The following HS2ST1 variants were observed in gnomAD, a reference collection of about 807,000 sequenced individuals.
The protein encoded by HS2ST1 is heparan sulfate 2-O-sulfotransferase 1, also known as 2-O-sulfotransferase.
HS2ST1 carries 18 observed loss-of-function variants against 42.9 expected under a neutral mutation model. The observed-to-expected ratio is 0.42, with a 90% CI of 0.29 to 0.62. The LOEUF is 0.62. Ranked by LOEUF, HS2ST1 falls within the 20% of genes least tolerant of loss-of-function variation. HS2ST1 has a pLI of 0.21. For missense variants in HS2ST1, 334 were observed against 433.8 expected (o/e 0.77, Z 2.04); for synonymous variants, 146 against 152.9 (o/e 0.95, Z 0.33).
At chr1:87,098,989 G>C (rs958153520) in intron 5 of HS2ST1, among the ~76,000 whole-genome samples, 8 of 152,126 alleles carry the variant, frequency 5.3e-5, no homozygotes, top group Non-Finnish European at 1.2e-4. Flanking sequence ...TGTTGGCCAG[G>C]CTGGTCTCGA....
chr1:87,075,940 G>A (rs1479606875), intron 2 of HS2ST1, among the ~76,000 whole-genome samples: 4 of 151,932 alleles, frequency 2.6e-5, no homozygotes, highest in African/African-American at 9.7e-5. Flanking sequence ...CATTCTTTGG[G>A]GAAATAACAA....
rs72722271 is a variant in HS2ST1 at position 86,936,683 on chromosome 1, C to G, written c.124+21523C>G. On this transcript the variant is annotated intron_variant, in intron 1 of 6. Transcript: ENST00000370550. ...AAACCTGAGTTTTAGGTTTCTTACT[C>G]ATTTTGCATTTAACCGTTCTTTTAT... Among the ~76,000 whole-genome samples, 430 of 152,236 alleles carry G rather than the reference C, an allele frequency of 2.8e-3. 2 individuals carry two copies. The highest frequency in any genetic ancestry group is 4.7e-3 in the Non-Finnish European group (317 of 68,018).
chr1:86,923,006 C>T (rs1413291307), intron 1 of HS2ST1, among the ~76,000 whole-genome samples: 1 of 151,822 alleles, frequency 6.6e-6, no homozygotes, highest in Non-Finnish European at 1.5e-5. Flanking sequence ...ATGTTCTATT[C>T]ATCATTCTCA....
At chr1:87,054,423 G>A (rs1472783313) in intron 1 of HS2ST1, among the ~76,000 whole-genome samples, 1 of 152,096 alleles carries the variant, frequency 6.6e-6, no homozygotes, top group Admixed American at 6.6e-5. Flanking sequence ...GCTTCCCCAA[G>A]AGGAAATGCC....
intron 1 of HS2ST1, among the ~76,000 whole-genome samples, chr1:86,923,076 C>T (rs1660334108): frequency 1.3e-5 from 2 of 152,108 alleles, no homozygotes; most frequent in Non-Finnish European, 2.9e-5. Context: ...CTTTAATTCA[C>T]CAATCCTTCT....
chr1:86,981,937 A>G (rs1370720420), intron 1 of HS2ST1, among the ~76,000 whole-genome samples: 1 of 152,234 alleles, frequency 6.6e-6, no homozygotes, highest in African/African-American at 2.4e-5. Flanking sequence ...GTTCTCCATG[A>G]GAGCTCTGCC....
In HS2ST1 at chr1:87,044,827, T is replaced by C. The variant is rs1650605231; in HGVS notation, c.125-28107T>C. ...GGGAGCAGAATCATTTTCAAGTCAC[T>C]GGTGTCCATTTTTTCCCCTTTGGAA... On this transcript the variant is annotated intron_variant, in intron 1 of 6. Transcript: ENST00000370550. 5 of 650,292 alleles carry C rather than the reference T, an allele frequency of 7.7e-6. No individual in the cohort carries two copies. The East Asian group carries it at 1.5e-4, about 19-fold the overall frequency. 40.3% of individuals were successfully genotyped at this position (650,292 alleles called of 1,614,324 possible). A position where few individuals can be genotyped will look rare whatever the true frequency, so the allele number is the denominator to read the frequency against.
chr1:86,948,062 G>A (rs1191611772), intron 1 of HS2ST1, among the ~76,000 whole-genome samples: 2 of 151,970 alleles, frequency 1.3e-5, no homozygotes, highest in African/African-American at 4.8e-5. Flanking sequence ...TGGATTTCAT[G>A]GATCTCTGGT....
At chr1:87,026,435 G>A (rs1379599100) in intron 1 of HS2ST1, among the ~76,000 whole-genome samples, 3 of 152,166 alleles carry the variant, frequency 2.0e-5, no homozygotes, top group African/African-American at 7.2e-5. Flanking sequence ...ATGTTCGTAA[G>A]TAATCTTAAT....
intron 1 of HS2ST1, among the ~76,000 whole-genome samples, chr1:87,069,459 C>T (rs916945133): frequency 6.6e-6 from 1 of 152,136 alleles, no homozygotes; most frequent in Non-Finnish European, 1.5e-5. Flanking sequence ...CTATCTAATA[C>T]TTACTTAGTA....
intron 1 of HS2ST1, among the ~76,000 whole-genome samples, chr1:86,989,929 A>G (rs766890723): frequency 4.6e-5 from 7 of 151,258 alleles, no homozygotes; most frequent in African/African-American, 1.2e-4. Context: ...ATAATATTCC[A>G]TGGTGTATGT....
In HS2ST1 at chr1:86,914,926, T is replaced by C; in HGVS notation, c.-111T>C. 3 of 1,368,418 alleles carry C rather than the reference T, an allele frequency of 2.2e-6. No homozygotes were observed. The highest frequency in any genetic ancestry group is 3.0e-6 in the Non-Finnish European group (3 of 985,688). The allele number at this position is 1,368,418 out of a possible 1,614,324, so 84.8% of individuals were successfully genotyped here. On this transcript the variant is annotated 5_prime_UTR_variant, in exon 1 of 7. Coordinates refer to ENST00000370550, the MANE Select transcript of HS2ST1 (RefSeq NM_012262.4). ...GCTGCGGTGGTTCTCTCGCTGTCGC[T>C]CTCTCTTTGCCTCGCTCCCGGCTCG... is the stretch of plus-strand genomic sequence containing the variant.
chr1:86,947,061 G>T (rs1647361035), intron 1 of HS2ST1, among the ~76,000 whole-genome samples: 1 of 152,164 alleles, frequency 6.6e-6, no homozygotes, highest in Non-Finnish European at 1.5e-5. Context: ...CTGAGCTCTA[G>T]CTACCATAGA....
intron 4 of HS2ST1, among the ~76,000 whole-genome samples, chr1:87,093,510 A>G (rs920895672): frequency 6.6e-6 from 1 of 152,092 alleles, no homozygotes; most frequent in African/African-American, 2.4e-5. Context: ...AGTGAGTCAT[A>G]TCTCTTTCAG....
At chr1:87,077,745 A>C (rs1275548244) in intron 2 of HS2ST1, among the ~76,000 whole-genome samples, 2 of 152,244 alleles carry the variant, frequency 1.3e-5, no homozygotes, top group African/African-American at 4.8e-5. Flanking sequence ...TGTTAAATAA[A>C]TGATGAATGA....
At chr1:86,924,241 G>C (rs1660364909) in intron 1 of HS2ST1, among the ~76,000 whole-genome samples, 1 of 152,132 alleles carries the variant, frequency 6.6e-6, no homozygotes, top group African/African-American at 2.4e-5. Flanking sequence ...CATGGCCTTG[G>C]GCAGCTCCAC....
chr1:87,077,490 A>G (rs1244634518), intron 2 of HS2ST1, among the ~76,000 whole-genome samples: 1 of 152,200 alleles, frequency 6.6e-6, no homozygotes, highest in Non-Finnish European at 1.5e-5. Flanking sequence ...CCTCTTAGAA[A>G]AACCATGCCT....
chr1:86,986,550 C>G (rs1443073926), intron 1 of HS2ST1, among the ~76,000 whole-genome samples: 1 of 152,130 alleles, frequency 6.6e-6, no homozygotes, highest in Non-Finnish European at 1.5e-5. Context: ...AATTAGGTAT[C>G]TTTAAAATAA....
chr1:87,051,818 G>A (rs1317682094), intron 1 of HS2ST1, among the ~76,000 whole-genome samples: 1 of 152,122 alleles, frequency 6.6e-6, no homozygotes, highest in Non-Finnish European at 1.5e-5. Context: ...TGCAAAGGAA[G>A]ACAGTTTTTG....
Sources: gnomAD v4.1 joint callset for allele counts (sites outside exome capture counted in the v4.1 genomes callset) on GRCh38, gnomAD v4.1.1 for gene constraint, MANE v1.5 for transcripts, NCBI Gene and HGNC (gene_info 2026-07-23, HGNC 2026-07-21) for gene names.